TOP6BL: variants seen among roughly 807,000 people sequenced by gnomAD.
TOP6BL encodes the protein TOP6B like initiator of meiotic double strand breaks.
chr11:66,834,754 G>A, the TOP6BL span, among the ~76,000 whole-genome samples: 1 of 152,140 alleles, frequency 6.6e-6, no homozygotes, highest in South Asian at 2.1e-4. Flanking sequence ...TGATCATGGT[G>A]CACTACAGCC....
the TOP6BL span, chr11:66,748,589 C>A: frequency 2.6e-6 from 3 of 1,172,618 alleles, no homozygotes; most frequent in Non-Finnish European, 3.5e-6. Flanking sequence ...TTAAAAATTT[C>A]AATTAGAATC....
At chr11:66,768,944 A>G in the TOP6BL span, among the ~76,000 whole-genome samples, 1 of 152,222 alleles carries the variant, frequency 6.6e-6, no homozygotes, top group Non-Finnish European at 1.5e-5. Flanking sequence ...TCAGCAGCCC[A>G]TGAGAGCTAA....
the TOP6BL span, among the ~76,000 whole-genome samples, chr11:66,783,620 T>C: frequency 1.3e-5 from 2 of 152,186 alleles, no homozygotes; most frequent in Non-Finnish European, 2.9e-5. Context: ...TGCCTTGTTT[T>C]TTCGAAATTT....
At chr11:66,843,277 G>A in the TOP6BL span, 32 of 1,600,204 alleles carry the variant, frequency 2.0e-5, no homozygotes, top group African/African-American at 4.0e-5. Flanking sequence ...CGGAGGCTGC[G>A]GGCAGCCGTT....
At chr11:66,821,852 C>T in the TOP6BL span, 2 of 1,463,084 alleles carry the variant, frequency 1.4e-6, no homozygotes, top group African/African-American at 1.4e-5. Flanking sequence ...GGAGCCCTTC[C>T]TCCCTTAATG....
the TOP6BL span, among the ~76,000 whole-genome samples, chr11:66,750,905 A>T: frequency 6.7e-6 from 1 of 148,698 alleles, no homozygotes; most frequent in Non-Finnish European, 1.5e-5. Context: ...GTCTCTTGCT[A>T]TGTTGCCCAG....
chr11:66,796,457 G>C, the TOP6BL span: 1 of 933,250 alleles, frequency 1.1e-6, no homozygotes, highest in Non-Finnish European at 1.6e-6. Context: ...GATGTGATTG[G>C]TTCTTTTTCT....
the TOP6BL span, among the ~76,000 whole-genome samples, chr11:66,780,164 G>A: frequency 2.0e-5 from 3 of 151,636 alleles, no homozygotes; most frequent in South Asian, 2.1e-4. Flanking sequence ...AAAAAAAAAA[G>A]AAACTGTGGT....
At chr11:66,762,194 A>G in the TOP6BL span, 4 of 702,172 alleles carry the variant, frequency 5.7e-6, no homozygotes, top group Non-Finnish European at 1.0e-5. Context: ...TTCGCACGCC[A>G]CACCCACAGC....
chr11:66,746,035 T>C, the TOP6BL span, among the ~76,000 whole-genome samples: 1 of 152,056 alleles, frequency 6.6e-6, no homozygotes, highest in Admixed American at 6.5e-5. Context: ...GGTCTTGAAC[T>C]TCTGACCTCA....
chr11:66,769,706 TTTTATTTA>T, the TOP6BL span, among the ~76,000 whole-genome samples: 22 of 151,598 alleles, frequency 1.5e-4, no homozygotes, highest in South Asian at 6.3e-4. Context: ...AGATTAGCAG[TTTTATTTA>T]TTTATTTATT....
At chr11:66,818,833 T>C in the TOP6BL span, among the ~76,000 whole-genome samples, 2 of 152,170 alleles carry the variant, frequency 1.3e-5, no homozygotes, top group Non-Finnish European at 2.9e-5. Flanking sequence ...CCTTAAGAAC[T>C]CAGATTCCTC....
the TOP6BL span, chr11:66,813,978 G>A: frequency 2.5e-6 from 4 of 1,613,628 alleles, no homozygotes; most frequent in Non-Finnish European, 3.4e-6. Context: ...AATACCATTT[G>A]TGTATGATAC....
At chr11:66,808,413 A>G in the TOP6BL span, among the ~76,000 whole-genome samples, 1 of 152,056 alleles carries the variant, frequency 6.6e-6, no homozygotes, top group African/African-American at 2.4e-5. Flanking sequence ...CTGTGGTGCC[A>G]CCTACTCAGG....
chr11:66,770,396 A>G, the TOP6BL span, among the ~76,000 whole-genome samples: 6 of 152,162 alleles, frequency 3.9e-5, no homozygotes, highest in Non-Finnish European at 8.8e-5. Flanking sequence ...GTCATTAGGG[A>G]AAAATGCAAG....
the TOP6BL span, chr11:66,756,291 C>T: frequency 2.7e-6 from 3 of 1,123,432 alleles, no homozygotes; most frequent in African/African-American, 3.3e-5. Context: ...GACTATGAAA[C>T]ATACTGTTTG....
chr11:66,840,614 C>T, the TOP6BL span, among the ~76,000 whole-genome samples: 2 of 152,208 alleles, frequency 1.3e-5, no homozygotes, highest in African/African-American at 2.4e-5. Flanking sequence ...GCTGCATGCA[C>T]CCTGTCTCCC....
the TOP6BL span, chr11:66,843,122 G>C: frequency 1.9e-6 from 3 of 1,603,450 alleles, no homozygotes; most frequent in Non-Finnish European, 2.6e-6. Context: ...TGCAGGCCAC[G>C]GGCCGCTGCT....
At chr11:66,803,963 A>T in the TOP6BL span, 5 of 1,548,968 alleles carry the variant, frequency 3.2e-6, no homozygotes, top group Non-Finnish European at 4.4e-6. Context: ...AGAGGAAAAA[A>T]TGTTAAATTT....
Sources: allele counts gnomAD v4.1 joint callset (sites outside exome capture counted in the v4.1 genomes callset), GRCh38; gene constraint gnomAD v4.1.1; transcripts MANE v1.5; gene names NCBI Gene and HGNC (gene_info 2026-07-23, HGNC 2026-07-21).